The following GABRA4 variants were observed in gnomAD, a reference collection of about 807,000 sequenced individuals.
GABRA4 encodes gamma-aminobutyric acid type A receptor subunit alpha4.
Under a neutral mutation model 49.7 loss-of-function variants are expected in GABRA4, and 12 were observed. That is an observed-to-expected ratio of 0.24 (90% CI 0.15 to 0.39). GABRA4 has a LOEUF of 0.39. Ranked by LOEUF, GABRA4 falls within the 10% of genes least tolerant of loss-of-function variation. The probability of loss-of-function intolerance (pLI) is 1.00; values close to 1 mark genes in which losing one functional copy is unlikely to be tolerated. For missense variants in GABRA4, 506 were observed against 686.0 expected, an observed-to-expected ratio of 0.74 and a Z score of 2.93; for synonymous variants, 288 against 240.2, an observed-to-expected ratio of 1.20 and a Z score of -1.84.
chr4:46,938,670 T>C (rs975740273), intron 8 of GABRA4, among the ~76,000 whole-genome samples: 13 of 152,094 alleles, frequency 8.5e-5, no homozygotes, highest in African/African-American at 3.1e-4. Context: ...AACATACACA[T>C]TTATAATAAC....
Position 46,926,830 on chromosome 4 carries a change from CA to C in GABRA4, c.*1394del, listed in dbSNP as rs1203706655. On this transcript the variant is annotated 3_prime_UTR_variant, in exon 9 of 9. Coordinates refer to ENST00000264318, the MANE Select transcript of GABRA4 (RefSeq NM_000809.4). ...AGTAGATGAAAACCCTGATAAATCA[CA>C]TAGCAGAGTCAGTGGCATCCTACCC... 7 of 151,900 alleles carry C rather than the reference CA, an allele frequency of 4.6e-5. No homozygotes were observed. Among genetic ancestry groups the C allele is most frequent in the African/African-American group, 1.7e-4 (7 of 41,412 alleles). 9.4% of individuals were successfully genotyped at this position (151,900 alleles called of 1,614,324 possible).
chr4:46,958,174 T>G (rs1432552753), intron 8 of GABRA4, among the ~76,000 whole-genome samples: 1 of 151,950 alleles, frequency 6.6e-6, no homozygotes, highest in Non-Finnish European at 1.5e-5. Flanking sequence ...GATATTAGGT[T>G]TACCATTTTC....
At chr4:46,930,488 G>A (rs1202715551) in intron 8 of GABRA4, among the ~76,000 whole-genome samples, 1 of 151,618 alleles carries the variant, frequency 6.6e-6, no homozygotes, top group Admixed American at 6.6e-5. Context: ...TCATTGGCAA[G>A]GAAACATACA....
intron 2 of GABRA4, among the ~76,000 whole-genome samples, chr4:46,992,404 T>C (rs1723788306): frequency 6.6e-6 from 1 of 152,042 alleles, no homozygotes; most frequent in Non-Finnish European, 1.5e-5. Flanking sequence ...TTGGCCAAGG[T>C]TTTGGCATAG....
At chr4:46,932,780 A>C (rs976332424) in intron 8 of GABRA4, among the ~76,000 whole-genome samples, 5 of 152,126 alleles carry the variant, frequency 3.3e-5, no homozygotes, top group Non-Finnish European at 7.4e-5. Context: ...CCTTTTAAAA[A>C]ATTGCCTATA....
At chr4:46,945,773 A>C (rs897170332) in intron 8 of GABRA4, among the ~76,000 whole-genome samples, 8 of 152,138 alleles carry the variant, frequency 5.3e-5, no homozygotes, top group Admixed American at 2.0e-4. Flanking sequence ...GAGCTAAAAG[A>C]ACACCTTAAA....
At chr4:46,956,501 C>T (rs997639658) in intron 8 of GABRA4, among the ~76,000 whole-genome samples, 1 of 152,010 alleles carries the variant, frequency 6.6e-6, no homozygotes, top group African/African-American at 2.4e-5. Context: ...GCCAACTACT[C>T]TTTCCTTATA....
chr4:46,963,779 G>A (rs1015079366), intron 8 of GABRA4, among the ~76,000 whole-genome samples: 2 of 151,752 alleles, frequency 1.3e-5, no homozygotes, highest in African/African-American at 4.8e-5. Context: ...AGGTAAAATA[G>A]CTTATATCCA....
intron 8 of GABRA4, among the ~76,000 whole-genome samples, chr4:46,960,849 A>G (rs1280897896): frequency 1.3e-5 from 2 of 151,774 alleles, no homozygotes; most frequent in South Asian, 2.1e-4. Context: ...TTGCAGAAAG[A>G]TGGAATTCAA....
At chr4:46,970,912 A>G (rs974859960) in intron 7 of GABRA4, among the ~76,000 whole-genome samples, 171 bp downstream of exon 7, 7 of 151,526 alleles carry the variant, frequency 4.6e-5, no homozygotes, top group Non-Finnish European at 8.9e-5. Context: ...GGATGCCCAA[A>G]TCTCCCCAAG....
intron 8 of GABRA4, among the ~76,000 whole-genome samples, chr4:46,942,792 T>C (rs1025688114): frequency 2.6e-5 from 4 of 152,108 alleles, no homozygotes; most frequent in Non-Finnish European, 5.9e-5. Flanking sequence ...CTAACTCTAA[T>C]GTGTTATTTT....
chr4:46,982,821 G>T (rs1308909803), intron 2 of GABRA4, among the ~76,000 whole-genome samples: 1 of 152,092 alleles, frequency 6.6e-6, no homozygotes, highest in Admixed American at 6.6e-5. Context: ...TCTTCTAAGA[G>T]ACTGCCATGT....
At chr4:46,979,158 G>A (rs1723259861) in intron 2 of GABRA4, 60 bp from the exon 3 acceptor site, 1 of 1,046,364 alleles carries the variant, frequency 9.6e-7, no homozygotes, top group Non-Finnish European at 1.5e-6. Context: ...AGGCTGGGAA[G>A]GTTAGATAAT....
At chr4:46,986,157 G>C (rs571208686) in intron 2 of GABRA4, among the ~76,000 whole-genome samples, 1 of 151,832 alleles carries the variant, frequency 6.6e-6, no homozygotes, top group South Asian at 2.1e-4. Context: ...ATACAGCATT[G>C]TTCCCACCAA....
At chr4:46,942,915 T>TC (rs1163298842) in intron 8 of GABRA4, among the ~76,000 whole-genome samples, 10 of 151,908 alleles carry the variant, frequency 6.6e-5, no homozygotes, top group Admixed American at 2.0e-4. Flanking sequence ...CAATGTCTTC[T>TC]CCCCCCAATT....
intron 8 of GABRA4, among the ~76,000 whole-genome samples, chr4:46,959,602 T>C (rs1201256733): frequency 2.0e-5 from 3 of 151,414 alleles, no homozygotes; most frequent in African/African-American, 7.3e-5. Flanking sequence ...GCAATTGCTG[T>C]AGTCAGGAAG....
intron 2 of GABRA4, among the ~76,000 whole-genome samples, chr4:46,988,246 A>ATTATTTT: frequency 6.6e-6 from 1 of 151,994 alleles, no homozygotes; most frequent in Non-Finnish European, 1.5e-5. Context: ...ATTTTCATGT[A>ATTATTTT]ATTATTTTAT....
Position 46,984,321 on chromosome 4 carries a change from G to A in GABRA4, c.206-5223C>T, listed in dbSNP as rs117510551. Among the ~76,000 whole-genome samples, 238 of 152,086 alleles carry A rather than the reference G, an allele frequency of 1.6e-3. 7 individuals are homozygous for A. In the East Asian group the frequency reaches 0.043, roughly 27 times the overall value. Reference sequence around the variant, plus strand: ...ATCTCCAAAAATGAAGACACTTGAAGGGATACAACAAGGAATCCTAACTGA... The same window carrying A: ...ATCTCCAAAAATGAAGACACTTGAAAGGATACAACAAGGAATCCTAACTGA... On this transcript the variant is annotated intron_variant, in intron 2 of 8. Coordinates refer to ENST00000264318, the MANE Select transcript of GABRA4 (RefSeq NM_000809.4).
intron 8 of GABRA4, among the ~76,000 whole-genome samples, chr4:46,944,920 C>T (rs1472655057): frequency 6.6e-6 from 1 of 152,046 alleles, no homozygotes; most frequent in African/African-American, 2.4e-5. Flanking sequence ...CCAACTAGCA[C>T]AGTACCAAAC....
Sources: gnomAD v4.1 joint callset for allele counts (sites outside exome capture counted in the v4.1 genomes callset) on GRCh38, gnomAD v4.1.1 for gene constraint, MANE v1.5 for transcripts, NCBI Gene and HGNC (gene_info 2026-07-23, HGNC 2026-07-21) for gene names.